Variants in SPOPL observed in about 807,000 individuals in gnomAD.
SPOPL encodes the protein speckle type BTB/POZ protein like.
A neutral mutation model predicts 53.8 loss-of-function variants in SPOPL; 23 were observed. That is an observed-to-expected ratio of 0.43 (90% CI 0.31 to 0.61). The LOEUF (loss-of-function observed/expected upper bound fraction) is 0.61. Among genes scored for constraint, SPOPL ranks in the 20% least tolerant of loss-of-function variants. SPOPL has a pLI of 0.12. For missense variants in SPOPL, 442 were observed against 466.9 expected (o/e 0.95, Z 0.49); for synonymous variants, 164 against 149.7 (o/e 1.10, Z -0.70).
At chr2:138,512,387 A>C (rs1040086780) in intron 1 of SPOPL, among the ~76,000 whole-genome samples, 1 of 152,170 alleles carries the variant, frequency 6.6e-6, no homozygotes, top group African/African-American at 2.4e-5. Flanking sequence ...CCTGTGATGT[A>C]GTTGGGATTC....
rs1244015773 is a variant in SPOPL, at chr2:138,571,332, A to G, written c.*2252A>G. ...TCAGTAAAAATACCGTATAATGAAC[A>G]TTTCAGCTTCTTCTTACTTACTCGA... is the stretch of plus-strand genomic sequence containing the variant. On this transcript the variant is annotated 3_prime_UTR_variant, in exon 11 of 11. Transcript: ENST00000280098. 1 of 152,478 alleles carries G rather than the reference A, an allele frequency of 6.6e-6. No homozygotes were observed. Among genetic ancestry groups the G allele is most frequent in the Non-Finnish European group, 1.5e-5 (1 of 68,000 alleles). 9.4% of individuals were successfully genotyped at this position (152,478 alleles called of 1,614,324 possible).
intron 1 of SPOPL, among the ~76,000 whole-genome samples, chr2:138,532,161 C>T (rs1273660536): frequency 6.6e-6 from 1 of 152,146 alleles, no homozygotes; most frequent in Non-Finnish European, 1.5e-5. Flanking sequence ...CTCTTGGCTT[C>T]CTGCTGCATG....
chr2:138,531,034 C>T (rs1342428582), intron 1 of SPOPL, among the ~76,000 whole-genome samples: 1 of 151,628 alleles, frequency 6.6e-6, no homozygotes, highest in East Asian at 1.9e-4. Flanking sequence ...TTATCAAATG[C>T]TTTTTCTGCA....
chr2:138,565,158 A>G (rs1263967516), intron 10 of SPOPL, 165 bp downstream of exon 10: 8 of 847,934 alleles, frequency 9.4e-6, no homozygotes, highest in South Asian at 5.3e-5. Flanking sequence ...TCCTGAGGCT[A>G]TGCTCCCTTG....
In SPOPL at chr2:138,545,313, C is replaced by T. The variant is rs550223999; in HGVS notation, c.-60-4844C>T. On this transcript the variant is annotated intron_variant, in intron 1 of 10. Transcript: ENST00000280098. ...CAGGAATGAGGGCTGATGACTTGGG[C>T]GGACCACCAAACTAGGGGAGGGAGC... Among the ~76,000 whole-genome samples the T allele has an allele frequency of 2.7e-4, 41 of 152,258 alleles. 1 individual carries two copies. The South Asian group carries it at 7.7e-3, about 28-fold the overall frequency.
In SPOPL at chr2:138,571,067, G is replaced by A. The variant is rs1685770056; in HGVS notation, c.*1987G>A. 6.6e-6 allele frequency: 1 copy of A among 152,116 alleles called. No homozygotes were observed. The highest frequency in any genetic ancestry group is 1.5e-5 in the Non-Finnish European group (1 of 67,998). 9.4% of individuals were successfully genotyped at this position (152,116 alleles called of 1,614,324 possible). A position where few individuals can be genotyped will look rare whatever the true frequency, so the allele number is the denominator to read the frequency against. On this transcript the variant is annotated 3_prime_UTR_variant, in exon 11 of 11. Coordinates refer to ENST00000280098, the MANE Select transcript of SPOPL (RefSeq NM_001001664.3). ...ACTTCCTTAAATCCATCGTAAGATT[G>A]AGCCTCAAGTTTGCAATATACAATT... is the stretch of plus-strand genomic sequence containing the variant.
intron 1 of SPOPL, among the ~76,000 whole-genome samples, chr2:138,514,088 A>G (rs922382514): frequency 6.6e-6 from 1 of 152,208 alleles, no homozygotes; most frequent in Admixed American, 6.5e-5. Context: ...TATGTGATCC[A>G]TAAACCCCGA....
intron 1 of SPOPL, among the ~76,000 whole-genome samples, chr2:138,526,960 A>G (rs1294165807): frequency 1.3e-5 from 2 of 152,148 alleles, no homozygotes; most frequent in Admixed American, 6.5e-5. Flanking sequence ...ACCTGACCTC[A>G]AGTGATCCAC....
At chr2:138,511,609 T>C (rs928865116) in intron 1 of SPOPL, among the ~76,000 whole-genome samples, 1 of 152,186 alleles carries the variant, frequency 6.6e-6, no homozygotes, top group Non-Finnish European at 1.5e-5. Context: ...TGGATTATTA[T>C]TTTATGTACC....
chr2:138,522,157 C>T (rs777354512), intron 1 of SPOPL, among the ~76,000 whole-genome samples: 9 of 152,186 alleles, frequency 5.9e-5, no homozygotes, highest in Non-Finnish European at 1.0e-4. Flanking sequence ...AACTTTGAGA[C>T]TTACTGCCCT....
intron 5 of SPOPL, chr2:138,554,508 C>G (rs1685381032): frequency 7.8e-7 from 1 of 1,289,428 alleles, no homozygotes; most frequent in Non-Finnish European, 1.0e-6. Flanking sequence ...GCCTCCTCCC[C>G]CTCCCCTGCA....
chr2:138,540,046 A>G (rs944159396), intron 1 of SPOPL, among the ~76,000 whole-genome samples: 21 of 152,324 alleles, frequency 1.4e-4, no homozygotes, highest in African/African-American at 3.4e-4. Flanking sequence ...GTCAAAGATC[A>G]GATGGTTGTA....
intron 1 of SPOPL, among the ~76,000 whole-genome samples, chr2:138,525,386 A>T (rs1193521915): frequency 6.6e-6 from 1 of 152,238 alleles, no homozygotes; most frequent in Non-Finnish European, 1.5e-5. Flanking sequence ...GTGGGAACAC[A>T]GAGCCAAACT....
At chr2:138,506,019 C>T (rs1462448138) in intron 1 of SPOPL, among the ~76,000 whole-genome samples, 2 of 152,088 alleles carry the variant, frequency 1.3e-5, no homozygotes, top group African/African-American at 2.4e-5. Context: ...GAGCAGATCA[C>T]CATGGCCAAA....
rs774115157 is a variant in SPOPL, at chr2:138,552,520, T to A, written c.353-34T>A. The stretch of plus-strand genomic sequence containing the variant: ...ATGTTTAAAAAGTCTCTTGGATATT[T>A]ATTTTATTTAAACTCTATTCTGTTT... On this transcript the variant is annotated intron_variant, in intron 4 of 10. Transcript: ENST00000280098. The A allele has an allele frequency of 6.3e-6, 10 of 1,580,596 alleles. No homozygotes were observed. The East Asian group carries it at 2.0e-4, about 32-fold the overall frequency.
intron 1 of SPOPL, among the ~76,000 whole-genome samples, chr2:138,547,790 A>G (rs1685229593): frequency 6.6e-6 from 1 of 152,172 alleles, no homozygotes; most frequent in Non-Finnish European, 1.5e-5. Flanking sequence ...TCCACCTGCC[A>G]GTCTGTTTTT....
intron 1 of SPOPL, among the ~76,000 whole-genome samples, chr2:138,544,151 G>A (rs1388488243): frequency 6.6e-6 from 1 of 152,208 alleles, no homozygotes; most frequent in Non-Finnish European, 1.5e-5. Context: ...CTACTGGGGG[G>A]TGTCTCCCAG....
chr2:138,549,473 C>T (rs1685267547), intron 1 of SPOPL, among the ~76,000 whole-genome samples: 1 of 152,062 alleles, frequency 6.6e-6, no homozygotes, highest in African/African-American at 2.4e-5. Flanking sequence ...AGCATCTGGT[C>T]ACTAATATCC....
chr2:138,541,660 A>G (rs1377910114), intron 1 of SPOPL, among the ~76,000 whole-genome samples: 2 of 151,906 alleles, frequency 1.3e-5, no homozygotes, highest in Admixed American at 6.6e-5. Flanking sequence ...CGGTCTATCA[A>G]TTTTGTTGAT....
Sources: allele counts gnomAD v4.1 joint callset (sites outside exome capture counted in the v4.1 genomes callset), GRCh38; gene constraint gnomAD v4.1.1; transcripts MANE v1.5; gene names NCBI Gene and HGNC (gene_info 2026-07-23, HGNC 2026-07-21).